ABCA7: variants seen among roughly 807,000 people sequenced by gnomAD.
ABCA7 encodes the protein ATP binding cassette subfamily A member 7.
A neutral mutation model predicts 227.6 loss-of-function variants in ABCA7; 261 were observed. The ratio of observed to expected loss-of-function variants is 1.15; its 90% CI spans 1.04 to 1.27. The LOEUF (loss-of-function observed/expected upper bound fraction) is 1.27, where lower values mean the gene tolerates loss of function less well. Among genes scored for constraint, ABCA7 ranks in the 50% most tolerant of loss-of-function variants. The pLI is 0.00. For missense variants in ABCA7, 3,331 were observed against 2,924.5 expected, an observed-to-expected ratio of 1.14 and a Z score of -3.21; for synonymous variants, 1,488 against 1,279.7, an observed-to-expected ratio of 1.16 and a Z score of -3.47.
intron 42 of ABCA7, 76 bp from the exon 43 acceptor site, chr19:1,063,468 T>C (rs2042820734): frequency 1.9e-6 from 3 of 1,547,634 alleles, no homozygotes; most frequent in Admixed American, 1.8e-5. Context: ...CACTCAATGC[T>C]GGCCCCGCCA....
chr19:1,055,714 C>T (rs2042193417), intron 30 of ABCA7, among the ~76,000 whole-genome samples, 193 bp from the exon 31 acceptor site: 1 of 152,028 alleles, frequency 6.6e-6, no homozygotes. Flanking sequence ...TGTTGCCAGG[C>T]TGGTCTCGAA....
intron 11 of ABCA7, 76 bp downstream of exon 11, chr19:1,044,820 TC>T (rs2040446367): frequency 6.6e-7 from 1 of 1,515,388 alleles, no homozygotes; most frequent in Admixed American, 2.0e-5. Flanking sequence ...ACCCTGGTGT[TC>T]CCAGGGGGAG....
At chr19:1,057,844 T>C (rs1013458969) in intron 35 of ABCA7, 71 bp from the exon 36 acceptor site, 89 of 1,553,870 alleles carry the variant, frequency 5.7e-5, no homozygotes, top group Non-Finnish European at 6.9e-5. Flanking sequence ...AAGATGGGAA[T>C]GGAGATTTTT....
intron 2 of ABCA7, 37 bp downstream of exon 2, chr19:1,041,464 G>A: frequency 1.3e-5 from 21 of 1,613,818 alleles, no homozygotes; most frequent in Non-Finnish European, 1.8e-5. Flanking sequence ...CGGGTGGGCA[G>A]GCAGCCCCCA....
intron 40 of ABCA7, among the ~76,000 whole-genome samples, chr19:1,060,145 A>G (rs1256273766): frequency 6.6e-6 from 1 of 151,780 alleles, no homozygotes; most frequent in African/African-American, 2.4e-5. Flanking sequence ...GCCACCTACT[A>G]GGGCTGGTAC....
At chr19:1,061,383 T>G (rs1599718657) in intron 40 of ABCA7, among the ~76,000 whole-genome samples, 1 of 75,606 alleles carries the variant, frequency 1.3e-5, no homozygotes, top group African/African-American at 8.1e-5. Flanking sequence ...ACAGCAAGGC[T>G]CCGTCTCAAA....
rs1324722734 is a variant in ABCA7, at chr19:1,059,108, G to A, written c.5463+23G>A. 1.9e-6 allele frequency: 3 copies of A among 1,608,382 alleles called. No individual in the cohort carries two copies. The African/African-American group carries it at 4.0e-5, about 22-fold the overall frequency. ...GAGGTGAGTCCAGGGGTGGAGGCCA[G>A]GTGCAGGGACAGTGAGTGGCTGCCC... On this transcript the variant is annotated intron_variant, in intron 40 of 46. Transcript: ENST00000263094.
intron 12 of ABCA7, 187 bp downstream of exon 12, chr19:1,045,418 G>A: frequency 1.6e-6 from 1 of 632,194 alleles, no homozygotes; most frequent in South Asian, 2.0e-5. Context: ...GCGGGGCCTA[G>A]GTGCATGAGG....
rs555258619 is a variant in ABCA7 at position 1,053,520 on chromosome 19, A to C, written c.3412A>C (p.Ser1138Arg). 6.4e-6 allele frequency: 10 copies of C among 1,564,682 alleles called. No homozygotes were observed. In the Admixed American group the frequency reaches 7.4e-5, roughly 12 times the overall value. The stretch of plus-strand genomic sequence containing the variant: ...CACTGGCTACGGGATCTCCGACACC[A>C]GCCTCGAGGAGGTGTGAGGCCTGGG... ...RLTGYGISDT[S>R]LEEIFLKVVE... Residue 1138 changes from serine to arginine, a missense_variant, in exon 24 of 47, where the codon AGC becomes CGC. Coordinates refer to ENST00000263094, the MANE Select transcript of ABCA7 (RefSeq NM_019112.4).
Position 1,046,829 on chromosome 19 carries a change from G to A in ABCA7, c.1650G>A (p.Leu550=), listed in dbSNP as rs1370131890. Residue 550 remains leucine (L), a synonymous_variant, in exon 14 of 47, where the codon CTG becomes CTA. Coordinates refer to ENST00000263094, the MANE Select transcript of ABCA7 (RefSeq NM_019112.4). The part of the protein sequence containing the change: ...DVFLRVLSRS[L]PLFLTLAWIY... ...TCCTGCGTGTGCTGAGCCGGTCGCT[G>A]CCGCTCTTCCTGACGCTGGCCTGGA... is the stretch of plus-strand genomic sequence containing the variant. 3 of 1,539,660 alleles carry A rather than the reference G, an allele frequency of 1.9e-6. No homozygotes were observed. The highest frequency in any genetic ancestry group is 1.4e-5 in the African/African-American group (1 of 73,296).
rs1264815296 is a variant in ABCA7, at chr19:1,058,808, T to G, written c.5280-12T>G. ...AGGACCTACTTTAAGCCCACAGATA[T>G]TCTGTCCCCAGGCCCAGGGTGAGGT... is the stretch of plus-strand genomic sequence containing the variant. On this transcript the variant is annotated splice_polypyrimidine_tract_variant and intron_variant, in intron 38 of 46. Coordinates refer to ENST00000263094, the MANE Select transcript of ABCA7 (RefSeq NM_019112.4). 1 of 1,588,284 alleles carries G rather than the reference T, an allele frequency of 6.3e-7. No homozygotes were observed. The highest frequency in any genetic ancestry group is 1.8e-5 in the Admixed American group (1 of 56,514).
chr19:1,046,486 A>T (rs948888115), intron 13 of ABCA7, 80 bp downstream of exon 13: 125 of 1,495,484 alleles, frequency 8.4e-5, no homozygotes, highest in Non-Finnish European at 1.1e-4. Flanking sequence ...CTCTGTTGGG[A>T]ACCTTCCTGC....
At chr19:1,046,460 TG>T (rs2040679378) in intron 13 of ABCA7, 54 bp downstream of exon 13, 2 of 1,509,832 alleles carry the variant, frequency 1.3e-6, no homozygotes, top group Non-Finnish European at 1.8e-6. Flanking sequence ...GTCCCGGGTG[TG>T]GGGGTGGGCC....
chr19:1,065,164 TGGA>T lies in ABCA7; in HGVS notation c.6284_6285+1del. On this transcript the variant is annotated inframe_deletion, in exon 46 of 47. Transcript: ENST00000263094. ...GACTTTTCCGTGAGCCAGACGATGCTGGAGGAGGTGATCACGGCGCCGGGGTCG... is the reference window on the plus strand; with the variant it reads ...GACTTTTCCGTGAGCCAGACGATGCTGGAGGTGATCACGGCGCCGGGGTCG... 6.3e-7 allele frequency: 1 copy of T among 1,594,342 alleles called. No individual in the cohort carries two copies. The highest frequency in any genetic ancestry group is 1.1e-5 in the South Asian group (1 of 89,394).
At position 1,041,887 on chromosome 19, in the gene ABCA7, C is replaced by G; in HGVS notation, c.217C>G (p.Leu73Val). The G allele has an allele frequency of 6.2e-7, 1 of 1,600,736 alleles. No homozygotes were observed. The highest frequency in any genetic ancestry group is 8.5e-7 in the Non-Finnish European group (1 of 1,178,356). The change falls in exon 4 of 47, where the codon CTC (leucine) becomes GTC (valine). Residue 73 changes from leucine (L) to valine (V), a missense_variant. Coordinates refer to ENST00000263094, the MANE Select transcript of ABCA7 (RefSeq NM_019112.4). The stretch of plus-strand genomic sequence containing the variant: ...GGGCACCGTGCCCTGGCTCCAGGGT[C>G]TCATCTGTAATGTGAACAACACCTG... ...SAGTVPWLQG[L>V]ICNVNNTCFP... is the part of the protein sequence containing the mutation.
Position 1,064,253 on chromosome 19 carries a change from G to C in ABCA7, c.6044G>C (p.Arg2015Thr), listed in dbSNP as rs774181333. The change falls in exon 45 of 47, where the codon AGA becomes ACA. Residue 2015 changes from arginine (R) to threonine (T), a missense_variant and splice_region_variant. Physicochemically the swap from Arg to Thr is moderately conservative, Grantham distance 71. Transcript: ENST00000263094. ...GGCAGCCCGCAACATCTCAAGGGCAGGTGAGCCGGCGCGGCCTCCAGGCAG... is the reference window on the plus strand; with the variant it reads ...GGCAGCCCGCAACATCTCAAGGGCACGTGAGCCGGCGCGGCCTCCAGGCAG... ...CLGSPQHLKG[R>T]FAAGHTLTLR... is the part of the protein sequence containing the mutation. 1.9e-6 allele frequency: 3 copies of C among 1,558,900 alleles called. No homozygotes were observed. Among genetic ancestry groups the C allele is most frequent in the Non-Finnish European group, 2.6e-6 (3 of 1,153,120 alleles).
chr19:1,047,165 C>T lies in ABCA7; in HGVS notation c.1854C>T (p.Asp618=). ...CCCGTTGCCTCTCACAGCTGGGAGA[C>T]ATCCTCCCCTACAGCCACCCGGGCG... ...ALLVLVLKLG[D]ILPYSHPGVV... The change falls in exon 15 of 47, where the codon GAC becomes GAT. Residue 618 remains aspartate, a synonymous_variant. Transcript: ENST00000263094. 1 of 1,602,526 alleles carries T rather than the reference C, an allele frequency of 6.2e-7. No individual in the cohort carries two copies. Among genetic ancestry groups the T allele is most frequent in the South Asian group, 1.1e-5 (1 of 89,824 alleles).
intron 16 of ABCA7, among the ~76,000 whole-genome samples, chr19:1,048,510 C>CAAA (rs76143039): frequency 1.9e-5 from 1 of 52,158 alleles, no homozygotes; most frequent in African/African-American, 7.7e-5. Context: ...AAAAAAAAAA[C>CAAA]AAAAAAAAAA....
In ABCA7 at chr19:1,056,919, G is replaced by A. The variant is rs267605268; in HGVS notation, c.4599G>A (p.Ser1533=). The A allele has an allele frequency of 1.3e-3, 2,022 of 1,613,454 alleles. 1 individual carries two copies. Among genetic ancestry groups the A allele is most frequent in the Non-Finnish European group, 1.5e-3 (1,782 of 1,179,676 alleles). ...QLSEGALMAS[S]VDVLVSICVV... ...TCTTCACCTCCAGGATGGCCTCCTC[G>A]GTGGACGTCCTCGTCTCCATCTGTG... Residue 1533 remains serine (S), a synonymous_variant, in exon 34 of 47, where the codon TCG becomes TCA. Transcript: ENST00000263094. The surrounding 1 kb of genome is among the most constrained non-coding windows in gnomAD (Gnocchi z 4.3).
Sources: gnomAD v4.1 joint callset for allele counts (sites outside exome capture counted in the v4.1 genomes callset) on GRCh38, gnomAD v4.1.1 for gene constraint, Gnocchi (gnomAD v3.1) non-coding constraint, MANE v1.5 for transcripts, NCBI Gene and HGNC (gene_info 2026-07-23, HGNC 2026-07-21) for gene names.